The following TNNI3K variants were observed in gnomAD, a reference collection of about 807,000 sequenced individuals.
TNNI3K encodes TNNI3 interacting kinase.
Under a neutral mutation model 114.5 loss-of-function variants are expected in TNNI3K, and 140 were observed. The observed-to-expected ratio is 1.22, with a 90% CI of 1.07 to 1.41. TNNI3K has a LOEUF of 1.41. TNNI3K is among the 40% of genes most tolerant of loss of function. The pLI is 0.00. For synonymous variants in TNNI3K, 347 were observed against 347.5 expected, an observed-to-expected ratio of 1.00 and a Z score of 0.02; for missense variants, 1,125 against 1,007.6, an observed-to-expected ratio of 1.12 and a Z score of -1.58.
intron 11 of TNNI3K, among the ~76,000 whole-genome samples, chr1:74,359,130 A>T (rs1192124157): frequency 1.3e-5 from 2 of 151,966 alleles, no homozygotes; most frequent in African/African-American, 4.8e-5. Flanking sequence ...GTAAAATTAG[A>T]TCTAAGCCAA....
chr1:74,396,885 T>C (rs1036723430), intron 17 of TNNI3K, among the ~76,000 whole-genome samples: 2 of 152,074 alleles, frequency 1.3e-5, no homozygotes, highest in Admixed American at 6.5e-5. Flanking sequence ...CTCTTAGAGG[T>C]TAATTTTGTG....
intron 1 of TNNI3K, among the ~76,000 whole-genome samples, chr1:74,235,710 C>T (rs1359938472): frequency 6.7e-6 from 1 of 150,160 alleles, no homozygotes; most frequent in Non-Finnish European, 1.5e-5. Flanking sequence ...ATTTTAGTTC[C>T]TTGGTATAAT....
intron 20 of TNNI3K, among the ~76,000 whole-genome samples, chr1:74,452,338 A>G (rs1360951242): frequency 6.6e-6 from 1 of 152,198 alleles, no homozygotes; most frequent in African/African-American, 2.4e-5. Flanking sequence ...GAAAAAGTGT[A>G]ATACAAGGTC....
intron 17 of TNNI3K, among the ~76,000 whole-genome samples, chr1:74,391,613 G>A (rs1342117111): frequency 6.6e-6 from 1 of 152,180 alleles, no homozygotes; most frequent in African/African-American, 2.4e-5. Flanking sequence ...AAAGCAGTTG[G>A]AAATGCAAAT....
At chr1:74,485,887 A>C (rs1043592930) in intron 21 of TNNI3K, among the ~76,000 whole-genome samples, 2 of 152,150 alleles carry the variant, frequency 1.3e-5, no homozygotes, top group African/African-American at 4.8e-5. Context: ...TACTGCCAAC[A>C]ACCAATGCGC....
intron 5 of TNNI3K, among the ~76,000 whole-genome samples, chr1:74,330,947 A>G (rs1390251530): frequency 6.6e-6 from 1 of 152,192 alleles, no homozygotes; most frequent in African/African-American, 2.4e-5. Flanking sequence ...ATATAAATAG[A>G]AAAATGTTCT....
At chr1:74,386,520 AAATT>A (rs939045181) in intron 17 of TNNI3K, among the ~76,000 whole-genome samples, 28 of 152,290 alleles carry the variant, frequency 1.8e-4, no homozygotes, top group African/African-American at 4.3e-4. Flanking sequence ...AAAATACAAT[AAATT>A]AATTAATTTA....
chr1:74,313,662 A>C (rs1438980981), intron 5 of TNNI3K, among the ~76,000 whole-genome samples: 2 of 152,138 alleles, frequency 1.3e-5, no homozygotes, highest in African/African-American at 4.8e-5. Context: ...TGCCCTACAG[A>C]GCTAGACTTG....
intron 23 of TNNI3K, among the ~76,000 whole-genome samples, chr1:74,501,103 T>A (rs1303642795): frequency 6.6e-6 from 1 of 152,182 alleles, no homozygotes; most frequent in Non-Finnish European, 1.5e-5. Context: ...TAGTTGGATA[T>A]TTTTTAAAGT....
intron 21 of TNNI3K, among the ~76,000 whole-genome samples, chr1:74,487,850 G>C (rs1668847227): frequency 6.6e-6 from 1 of 152,142 alleles, no homozygotes; most frequent in Admixed American, 6.6e-5. Flanking sequence ...GTTGGAGTCA[G>C]GTTTCTAGAG....
At chr1:74,326,581 A>G (rs1247939026) in intron 5 of TNNI3K, among the ~76,000 whole-genome samples, 1 of 152,220 alleles carries the variant, frequency 6.6e-6, no homozygotes, top group Non-Finnish European at 1.5e-5. Context: ...TACACTTTAT[A>G]GAGACAACTT....
At chr1:74,480,386 G>A (rs1668426911) in intron 21 of TNNI3K, 2 of 717,440 alleles carry the variant, frequency 2.8e-6, no homozygotes, top group Non-Finnish European at 5.2e-6. Context: ...CCGAGCAAGG[G>A]GATGGAGATC....
At chr1:74,325,614 G>A (rs1659858130) in intron 5 of TNNI3K, among the ~76,000 whole-genome samples, 2 of 152,174 alleles carry the variant, frequency 1.3e-5, no homozygotes, top group African/African-American at 4.8e-5. Context: ...GGCCTTTGAT[G>A]TCATTTTCCA....
intron 5 of TNNI3K, among the ~76,000 whole-genome samples, chr1:74,319,571 C>T (rs1352687107): frequency 6.6e-6 from 1 of 152,160 alleles, no homozygotes; most frequent in Non-Finnish European, 1.5e-5. Flanking sequence ...CCCCAGGAAA[C>T]TTAGCATGAT....
At chr1:74,408,596 C>T (rs1310645576) in intron 17 of TNNI3K, among the ~76,000 whole-genome samples, 1 of 152,182 alleles carries the variant, frequency 6.6e-6, no homozygotes, top group East Asian at 1.9e-4. Context: ...TACATTTCAT[C>T]TGCCCACAAA....
intron 17 of TNNI3K, among the ~76,000 whole-genome samples, chr1:74,404,412 C>A (rs933708077): frequency 6.6e-6 from 1 of 152,108 alleles, no homozygotes; most frequent in African/African-American, 2.4e-5. Flanking sequence ...TGTCTCCTTC[C>A]TCCCAAGAAC....
chr1:74,366,678 A>G (rs1406096280), intron 11 of TNNI3K: 1 of 152,044 alleles, frequency 6.6e-6, no homozygotes, highest in Non-Finnish European at 1.5e-5. Context: ...TGCAAGGTAC[A>G]TAGGAAAATG....
intron 17 of TNNI3K, among the ~76,000 whole-genome samples, chr1:74,400,991 G>A (rs1442980379): frequency 6.6e-6 from 1 of 152,120 alleles, no homozygotes; most frequent in African/African-American, 2.4e-5. Context: ...ACTTGGAAAA[G>A]GGATGTCAAG....
At chr1:74,403,506 G>A (rs983933184) in intron 17 of TNNI3K, among the ~76,000 whole-genome samples, 1 of 152,040 alleles carries the variant, frequency 6.6e-6, no homozygotes, top group Non-Finnish European at 1.5e-5. Context: ...ATAAAGTGGG[G>A]TTCAATAGAC....
Sources: gnomAD v4.1 joint callset for allele counts (sites outside exome capture counted in the v4.1 genomes callset) on GRCh38, gnomAD v4.1.1 for gene constraint, MANE v1.5 for transcripts, NCBI Gene and HGNC (gene_info 2026-07-23, HGNC 2026-07-21) for gene names.